The following PDE8B variants were observed in gnomAD, a reference collection of about 807,000 sequenced individuals.
PDE8B encodes phosphodiesterase 8B.
Under a neutral mutation model 101.3 loss-of-function variants are expected in PDE8B, and 26 were observed. The ratio of observed to expected loss-of-function variants is 0.26; its 90% CI spans 0.19 to 0.36. PDE8B has a LOEUF of 0.36. PDE8B is among the 10% of genes least tolerant of loss of function. PDE8B has a pLI of 1.00. For missense variants in PDE8B, 810 were observed against 1,163.1 expected, an observed-to-expected ratio of 0.70 and a Z score of 4.42; for synonymous variants, 424 against 429.3, an observed-to-expected ratio of 0.99 and a Z score of 0.15.
intron 10 of PDE8B, among the ~76,000 whole-genome samples, chr5:77,396,558 A>G (rs1233484060): frequency 6.6e-6 from 1 of 152,228 alleles, no homozygotes; most frequent in Non-Finnish European, 1.5e-5. Context: ...CTACAGCTCC[A>G]TACCATAGGT....
chr5:77,333,756 C>G (rs1777583019), intron 5 of PDE8B, among the ~76,000 whole-genome samples: 2 of 152,236 alleles, frequency 1.3e-5, no homozygotes, highest in African/African-American at 2.4e-5. Context: ...GAAAATTTAA[C>G]CAAAGTTCCA....
At chr5:77,192,495 A>G in the PDE8B span, among the ~76,000 whole-genome samples, 4 of 152,216 alleles carry the variant, frequency 2.6e-5, no homozygotes, top group African/African-American at 7.2e-5. Flanking sequence ...GCTGTTGTGT[A>G]TATCAGTAGT....
chr5:77,305,310 G>A (rs944414947), intron 1 of PDE8B, among the ~76,000 whole-genome samples: 2 of 152,192 alleles, frequency 1.3e-5, no homozygotes, highest in African/African-American at 4.8e-5. Context: ...AAGCAGGAAG[G>A]AGAAGGGAAG....
chr5:77,246,130 G>C (rs955290405), intron 1 of PDE8B, among the ~76,000 whole-genome samples: 10 of 152,210 alleles, frequency 6.6e-5, no homozygotes, highest in African/African-American at 2.4e-4. Context: ...GGGACTACAG[G>C]CATGAGCCAT....
intron 1 of PDE8B, among the ~76,000 whole-genome samples, chr5:77,275,835 A>G (rs1436774006): frequency 6.6e-6 from 1 of 152,222 alleles, no homozygotes; most frequent in Non-Finnish European, 1.5e-5. Context: ...ATCTAACCGC[A>G]TGAGGTTGGA....
At chr5:77,177,190 G>A in the PDE8B span, among the ~76,000 whole-genome samples, 8 of 152,222 alleles carry the variant, frequency 5.3e-5, no homozygotes, top group South Asian at 4.1e-4. Flanking sequence ...GATGGCAGAA[G>A]TGGAGGAAAA....
the PDE8B span, among the ~76,000 whole-genome samples, chr5:77,190,974 C>G: frequency 6.6e-6 from 1 of 152,216 alleles, no homozygotes; most frequent in Non-Finnish European, 1.5e-5. Context: ...CATTTCCTCA[C>G]AGTTCAGAAG....
At chr5:77,417,334 G>A (rs1007978551) in intron 17 of PDE8B, among the ~76,000 whole-genome samples, 1 of 152,082 alleles carries the variant, frequency 6.6e-6, no homozygotes, top group Non-Finnish European at 1.5e-5. Flanking sequence ...TTCTTAGCAC[G>A]TCTCACAGCA....
chr5:77,296,748 G>A (rs915546356), intron 1 of PDE8B, among the ~76,000 whole-genome samples: 28 of 152,138 alleles, frequency 1.8e-4, no homozygotes, highest in African/African-American at 6.3e-4. Context: ...TCTAAGTTAG[G>A]GAAGGCAACC....
chr5:77,205,797 C>T (rs778297670), upstream of PDE8B, among the ~76,000 whole-genome samples: 5 of 152,006 alleles, frequency 3.3e-5, no homozygotes, highest in Non-Finnish European at 5.9e-5. Context: ...AATCTATGTA[C>T]GTATCTATTT....
chr5:77,425,723 G>A, intron 20 of PDE8B, 44 bp from the exon 21 acceptor site: 2 of 1,602,102 alleles, frequency 1.2e-6, no homozygotes, highest in Non-Finnish European at 1.7e-6. Flanking sequence ...CTGTGAAAGT[G>A]TCTCGCATGT....
At chr5:77,335,955 A>T (rs997077234) in intron 5 of PDE8B, among the ~76,000 whole-genome samples, 5 of 152,078 alleles carry the variant, frequency 3.3e-5, no homozygotes, top group Non-Finnish European at 2.9e-5. Flanking sequence ...TCAATTTCCT[A>T]TATACCCTAC....
chr5:77,159,288 A>G, the PDE8B span, among the ~76,000 whole-genome samples: 1 of 152,192 alleles, frequency 6.6e-6, no homozygotes, highest in Non-Finnish European at 1.5e-5. Flanking sequence ...TGTTGCCAAA[A>G]GAGATTATAA....
At chr5:77,161,490 T>A in the PDE8B span, among the ~76,000 whole-genome samples, 1 of 152,188 alleles carries the variant, frequency 6.6e-6, no homozygotes, top group Non-Finnish European at 1.5e-5. Context: ...TTGATTTGAT[T>A]ATCCATTCAC....
At chr5:77,384,364 TAAG>T (rs1788120577) in intron 10 of PDE8B, among the ~76,000 whole-genome samples, 1 of 152,214 alleles carries the variant, frequency 6.6e-6, no homozygotes, top group Non-Finnish European at 1.5e-5. Context: ...CTTATCAGCT[TAAG>T]GAGATTTGGG....
Position 77,427,829 on chromosome 5 carries a change from T to C in PDE8B, c.*1275T>C, listed in dbSNP as rs1371914419. 6.6e-6 allele frequency: 1 copy of C among 152,194 alleles called. No individual in the cohort carries two copies. Among genetic ancestry groups the C allele is most frequent in the Non-Finnish European group, 1.5e-5 (1 of 68,034 alleles). The allele number at this position is 152,194 out of a possible 1,614,324, so 9.4% of individuals were successfully genotyped here. ...TAAATATTAGACTCCGTAAACAAAC[T>C]TCATTTTTCTTTCTCTGTACTTCAT... On this transcript the variant is annotated 3_prime_UTR_variant, in exon 22 of 22. Coordinates refer to ENST00000264917, the MANE Select transcript of PDE8B (RefSeq NM_003719.5).
intron 1 of PDE8B, chr5:77,290,901 G>A: frequency 1.2e-6 from 2 of 1,605,068 alleles, no homozygotes; most frequent in South Asian, 1.1e-5. Context: ...GGTTCTGGAG[G>A]ACAACAAGCT....
chr5:77,323,174 C>T (rs1775407852), intron 2 of PDE8B, among the ~76,000 whole-genome samples: 1 of 152,160 alleles, frequency 6.6e-6, no homozygotes, highest in Non-Finnish European at 1.5e-5. Context: ...TGATTTTTCT[C>T]ATTCAGGCTT....
intron 1 of PDE8B, among the ~76,000 whole-genome samples, chr5:77,256,434 G>A (rs6887671): frequency 0.54 from 81,380 of 151,976 alleles, 21,842 homozygotes; most frequent in South Asian, 0.62. Flanking sequence ...TCTGAATCCA[G>A]CTCATTCTTT....
Sources: allele counts gnomAD v4.1 joint callset (sites outside exome capture counted in the v4.1 genomes callset), GRCh38; gene constraint gnomAD v4.1.1; transcripts MANE v1.5; gene names NCBI Gene and HGNC (gene_info 2026-07-23, HGNC 2026-07-21).